The following RRAGA variants were observed in gnomAD, a reference collection of about 807,000 sequenced individuals.
The protein encoded by RRAGA is ras-related GTP-binding protein A.
RRAGA carries 11 observed loss-of-function variants against 20.5 expected under a neutral mutation model. That is an observed-to-expected ratio of 0.54 (90% confidence interval 0.34 to 0.89). The LOEUF is 0.89. Among genes scored for constraint, RRAGA ranks in the 40% least tolerant of loss-of-function variants. The pLI, the probability that RRAGA is intolerant of heterozygous loss-of-function variation, is 0.02. For synonymous variants in RRAGA, 184 were observed against 155.4 expected (o/e 1.18, Z -1.37); for missense variants, 214 against 400.7 (o/e 0.53, Z 3.98).
Position 19,050,837 on chromosome 9 carries a change from A to C in RRAGA, c.*236A>C. ...AGTTGGTATGGTGTAACACTAAAGT[A>C]GGTGGTTCGTGTGTGTTCTCATTAC... On this transcript the variant is annotated 3_prime_UTR_variant, in exon 1 of 1. Transcript: ENST00000380527. 1.9e-6 allele frequency: 1 copy of C among 519,502 alleles called. No homozygotes were observed. Among genetic ancestry groups the C allele is most frequent in the Admixed American group, 3.3e-5 (1 of 30,426 alleles). 32.2% of individuals were successfully genotyped at this position (519,502 alleles called of 1,614,324 possible). A position where few individuals can be genotyped will look rare whatever the true frequency, so the allele number is the denominator to read the frequency against.
rs529377345 is a variant in RRAGA, at chr9:19,049,445, C to G, written c.-215C>G. On this transcript the variant is annotated 5_prime_UTR_variant, in exon 1 of 1. Coordinates refer to ENST00000380527, the MANE Select transcript of RRAGA (RefSeq NM_006570.5). This position sits in a 1 kb window ranked among gnomAD's most constrained non-coding sequence, Gnocchi z 5.4. ...AGCGAGCGTATCTCCCGAGCCGTTG[C>G]CACTGACAGCCGCGGGCGCTCCCAT... The G allele has an allele frequency of 2.8e-4, 126 of 451,388 alleles. No homozygotes were observed. The East Asian group carries it at 4.6e-3, about 17-fold the overall frequency. The allele number at this position is 451,388 out of a possible 1,614,324, so 28.0% of individuals were successfully genotyped here.
Position 19,050,001 on chromosome 9 carries a change from C to G in RRAGA, c.342C>G (p.Leu114=). ...HYYQSCLEAI[L]QNSPDAKIFC... ...ACCAGTCGTGTCTGGAGGCCATCCT[C>G]CAGAACTCTCCTGACGCCAAAATCT... The change falls in exon 1 of 1, where the codon CTC becomes CTG. Residue 114 remains leucine (L), a synonymous_variant. Transcript: ENST00000380527. The G allele has an allele frequency of 2.5e-6, 4 of 1,614,162 alleles. No individual in the cohort carries two copies. Among genetic ancestry groups the G allele is most frequent in the Non-Finnish European group, 3.4e-6 (4 of 1,180,040 alleles).
chr9:19,049,584 G>C lies in RRAGA; in HGVS notation c.-76G>C. 1 of 1,127,106 alleles carries C rather than the reference G, an allele frequency of 8.9e-7. No individual in the cohort carries two copies. Among genetic ancestry groups the C allele is most frequent in the South Asian group, 1.6e-5 (1 of 62,432 alleles). 69.8% of individuals were successfully genotyped at this position (1,127,106 alleles called of 1,614,324 possible). A position where few individuals can be genotyped will look rare whatever the true frequency, so the allele number is the denominator to read the frequency against. On this transcript the variant is annotated 5_prime_UTR_variant, in exon 1 of 1. Transcript: ENST00000380527. This position sits in a 1 kb window ranked among gnomAD's most constrained non-coding sequence, Gnocchi z 5.4. ...AGCGAGGCGCGGCCTGCGAGTCCCC[G>C]GCAGCCCCCGACCCCTCCCTCGGCG...
In RRAGA at chr9:19,049,903, T is replaced by G; in HGVS notation, c.244T>G (p.Phe82Val). 6.2e-7 allele frequency: 1 copy of G among 1,614,112 alleles called. No individual in the cohort carries two copies. Among genetic ancestry groups the G allele is most frequent in the Non-Finnish European group, 8.5e-7 (1 of 1,180,008 alleles). ...NYFTSQRDNI[F>V]RNVEVLIYVF... The stretch of plus-strand genomic sequence containing the variant: ...CTTCACCAGCCAGCGAGACAATATC[T>G]TCCGTAACGTGGAAGTTTTGATTTA... The change falls in exon 1 of 1, where the codon TTC becomes GTC. Residue 82 changes from phenylalanine to valine, a missense_variant. Phe to Val is a conservative substitution (Grantham distance 50, BLOSUM62 -1). This residue lies in a region of RRAGA where 40 missense variants were observed against 130.1 expected (regional missense o/e 0.31). Transcript: ENST00000380527. This position sits in a 1 kb window ranked among gnomAD's most constrained non-coding sequence, Gnocchi z 5.4.
chr9:19,049,611 T>C lies in RRAGA; in HGVS notation c.-49T>C, dbSNP rs997565698. ...CAGCCCCCGACCCCTCCCTCGGCGC[T>C]GCGTGTAGGCCGCGCCCTCAGGCCC... On this transcript the variant is annotated 5_prime_UTR_variant, in exon 1 of 1. Coordinates refer to ENST00000380527, the MANE Select transcript of RRAGA (RefSeq NM_006570.5). This position sits in a 1 kb window ranked among gnomAD's most constrained non-coding sequence, Gnocchi z 5.4. The C allele has an allele frequency of 6.9e-7, 1 of 1,441,332 alleles. No individual in the cohort carries two copies. Among genetic ancestry groups the C allele is most frequent in the Non-Finnish European group, 9.5e-7 (1 of 1,057,310 alleles). 89.3% of individuals were successfully genotyped at this position (1,441,332 alleles called of 1,614,324 possible).
Position 19,050,166 on chromosome 9 carries a change from C to G in RRAGA, c.507C>G (p.Leu169=). The G allele has an allele frequency of 1.2e-6, 2 of 1,614,088 alleles. No individual in the cohort carries two copies. Among genetic ancestry groups the G allele is most frequent in the Non-Finnish European group, 1.7e-6 (2 of 1,180,030 alleles). ...CFRTSIWDET[L]YKAWSSIVYQ... ...GAACGTCCATCTGGGATGAGACGCT[C>G]TACAAAGCCTGGTCCAGCATCGTCT... Residue 169 remains leucine, a synonymous_variant, in exon 1 of 1, where the codon CTC becomes CTG. Coordinates refer to ENST00000380527, the MANE Select transcript of RRAGA (RefSeq NM_006570.5).
rs879121912 is a variant in RRAGA, at chr9:19,050,061, G to C, written c.402G>C (p.Glu134Asp). 1.9e-6 allele frequency: 3 copies of C among 1,614,002 alleles called. No individual in the cohort carries two copies. Among genetic ancestry groups the C allele is most frequent in the Non-Finnish European group, 2.5e-6 (3 of 1,180,028 alleles). Residue 134 changes from glutamate to aspartate, a missense_variant, in exon 1 of 1, where the codon GAG becomes GAC. Coordinates refer to ENST00000380527, the MANE Select transcript of RRAGA (RefSeq NM_006570.5). ...TGCACAAAATGGATCTGGTTCAGGA[G>C]GATCAGCGTGACCTGATTTTTAAAG... ...CLVHKMDLVQEDQRDLIFKER... is the reference protein window; with the variant it reads ...CLVHKMDLVQDDQRDLIFKER...
chr9:19,049,578 G>C lies in RRAGA; in HGVS notation c.-82G>C. 9.5e-7 allele frequency: 1 copy of C among 1,053,172 alleles called. No homozygotes were observed. The highest frequency in any genetic ancestry group is 1.4e-6 in the Non-Finnish European group (1 of 739,506). 65.2% of individuals were successfully genotyped at this position (1,053,172 alleles called of 1,614,324 possible). On this transcript the variant is annotated 5_prime_UTR_variant, in exon 1 of 1. Coordinates refer to ENST00000380527, the MANE Select transcript of RRAGA (RefSeq NM_006570.5). The surrounding 1 kb of genome is among the most constrained non-coding windows in gnomAD (Gnocchi z 5.4). ...GAGCGGAGCGAGGCGCGGCCTGCGA[G>C]TCCCCGGCAGCCCCCGACCCCTCCC... is the stretch of plus-strand genomic sequence containing the variant.
chr9:19,049,608 C>T lies in RRAGA; in HGVS notation c.-52C>T. ...CGGCAGCCCCCGACCCCTCCCTCGG[C>T]GCTGCGTGTAGGCCGCGCCCTCAGG... On this transcript the variant is annotated 5_prime_UTR_variant, in exon 1 of 1. Coordinates refer to ENST00000380527, the MANE Select transcript of RRAGA (RefSeq NM_006570.5). The surrounding 1 kb of genome is among the most constrained non-coding windows in gnomAD (Gnocchi z 5.4). 7.1e-7 allele frequency: 1 copy of T among 1,412,304 alleles called. No individual in the cohort carries two copies. The highest frequency in any genetic ancestry group is 1.4e-5 in the African/African-American group (1 of 70,440). The allele number at this position is 1,412,304 out of a possible 1,614,324, so 87.5% of individuals were successfully genotyped here.
chr9:19,050,331 C>A lies in RRAGA; in HGVS notation c.672C>A (p.Asp224Glu). Residue 224 changes from aspartate (D) to glutamate (E), a missense_variant, in exon 1 of 1, where the codon GAC (aspartate) becomes GAA (glutamate). By Grantham distance (45) the Asp-to-Glu change is conservative. Coordinates refer to ENST00000380527, the MANE Select transcript of RRAGA (RefSeq NM_006570.5). Reference sequence around the variant, plus strand: ...ACTACCAGTGCAAAGAGCAGCGCGACGTCCACCGGTTTGAGAAGATCAGCA... The same window carrying A: ...ACTACCAGTGCAAAGAGCAGCGCGAAGTCCACCGGTTTGAGAAGATCAGCA... ...ISHYQCKEQR[D>E]VHRFEKISNI... 1 of 1,614,170 alleles carries A rather than the reference C, an allele frequency of 6.2e-7. No homozygotes were observed. The highest frequency in any genetic ancestry group is 1.1e-5 in the South Asian group (1 of 91,080).
In RRAGA at chr9:19,050,646, G is replaced by A. The variant is rs1344749749; in HGVS notation, c.*45G>A. 1.3e-6 allele frequency: 2 copies of A among 1,556,908 alleles called. No homozygotes were observed. The highest frequency in any genetic ancestry group is 1.8e-6 in the Non-Finnish European group (2 of 1,133,272). ...CTGAAAATGCTGAATTGCCTTTTTT[G>A]TTTGCATCCTTTATTTTTAATATTC... On this transcript the variant is annotated 3_prime_UTR_variant, in exon 1 of 1. Transcript: ENST00000380527.
Position 19,049,596 on chromosome 9 carries a change from C to T in RRAGA, c.-64C>T. 1 of 1,287,242 alleles carries T rather than the reference C, an allele frequency of 7.8e-7. No individual in the cohort carries two copies. The highest frequency in any genetic ancestry group is 2.4e-5 in the Admixed American group (1 of 41,914). The allele number at this position is 1,287,242 out of a possible 1,614,324, so 79.7% of individuals were successfully genotyped here. A position where few individuals can be genotyped will look rare whatever the true frequency, so the allele number is the denominator to read the frequency against. ...CCTGCGAGTCCCCGGCAGCCCCCGA[C>T]CCCTCCCTCGGCGCTGCGTGTAGGC... On this transcript the variant is annotated 5_prime_UTR_variant, in exon 1 of 1. Coordinates refer to ENST00000380527, the MANE Select transcript of RRAGA (RefSeq NM_006570.5). The surrounding 1 kb of genome is among the most constrained non-coding windows in gnomAD (Gnocchi z 5.4).
chr9:19,049,488 C>T lies in RRAGA; in HGVS notation c.-172C>T, dbSNP rs1457923237. The T allele has an allele frequency of 1.1e-5, 6 of 544,252 alleles. No individual in the cohort carries two copies. Among genetic ancestry groups the T allele is most frequent in the East Asian group, 9.9e-5 (3 of 30,406 alleles). 33.7% of individuals were successfully genotyped at this position (544,252 alleles called of 1,614,324 possible). A position where few individuals can be genotyped will look rare whatever the true frequency, so the allele number is the denominator to read the frequency against. ...GCTCCCATCTGAGTAAGAGCCAGCC[C>T]GTCCGCGGCCTCTCCAGCCCCGGGT... On this transcript the variant is annotated 5_prime_UTR_variant, in exon 1 of 1. Transcript: ENST00000380527. The surrounding 1 kb of genome is among the most constrained non-coding windows in gnomAD (Gnocchi z 5.4).
At position 19,050,011 on chromosome 9, in the gene RRAGA, C is replaced by T. The variant is rs924116761; in HGVS notation, c.352C>T (p.Pro118Ser). The change falls in exon 1 of 1, where the codon CCT (proline) becomes TCT (serine). Residue 118 changes from proline (P) to serine (S), a missense_variant. Coordinates refer to ENST00000380527, the MANE Select transcript of RRAGA (RefSeq NM_006570.5). ...TCTGGAGGCCATCCTCCAGAACTCT[C>T]CTGACGCCAAAATCTTCTGCCTGGT... is the stretch of plus-strand genomic sequence containing the variant. ...SCLEAILQNSPDAKIFCLVHK... is the reference protein window; with the variant it reads ...SCLEAILQNSSDAKIFCLVHK... 1.2e-6 allele frequency: 2 copies of T among 1,614,164 alleles called. No individual in the cohort carries two copies. Among genetic ancestry groups the T allele is most frequent in the Non-Finnish European group, 1.7e-6 (2 of 1,180,038 alleles).
rs1836334295 is a variant in RRAGA at position 19,050,765 on chromosome 9, C to T, written c.*164C>T. 2.9e-6 allele frequency: 2 copies of T among 698,274 alleles called. No homozygotes were observed. The highest frequency in any genetic ancestry group is 4.8e-6 in the Non-Finnish European group (2 of 416,862). The allele number at this position is 698,274 out of a possible 1,614,324, so 43.3% of individuals were successfully genotyped here. Reference sequence around the variant, plus strand: ...TTCCCCAGTCTTTAAACATTGGACGCTATTTACTCAGCTACCCAGTAGAGC... The same window carrying T: ...TTCCCCAGTCTTTAAACATTGGACGTTATTTACTCAGCTACCCAGTAGAGC... On this transcript the variant is annotated 3_prime_UTR_variant, in exon 1 of 1. Coordinates refer to ENST00000380527, the MANE Select transcript of RRAGA (RefSeq NM_006570.5).
In RRAGA at chr9:19,050,289, A is replaced by G. The variant is rs1234998063; in HGVS notation, c.630A>G (p.Thr210=). 5.0e-6 allele frequency: 8 copies of G among 1,614,004 alleles called. No individual in the cohort carries two copies. Among genetic ancestry groups the G allele is most frequent in the Non-Finnish European group, 6.8e-6 (8 of 1,180,036 alleles). Residue 210 remains threonine (T), a synonymous_variant, in exon 1 of 1, where the codon ACA becomes ACG. Transcript: ENST00000380527. The part of the protein sequence containing the change: ...ADEVLLFERA[T]FLVISHYQCK... The stretch of plus-strand genomic sequence containing the variant: ...AAGTTCTGCTGTTCGAAAGAGCTAC[A>G]TTCTTGGTTATTTCCCACTACCAGT...
chr9:19,050,468 C>T lies in RRAGA; in HGVS notation c.809C>T (p.Thr270Met). 1 of 1,614,122 alleles carries T rather than the reference C, an allele frequency of 6.2e-7. No individual in the cohort carries two copies. Among genetic ancestry groups the T allele is most frequent in the Non-Finnish European group, 8.5e-7 (1 of 1,180,024 alleles). The change falls in exon 1 of 1, where the codon ACG becomes ATG. Residue 270 changes from threonine to methionine, a missense_variant. By Grantham distance (81) the Thr-to-Met change is moderately conservative. Transcript: ENST00000380527. ...AAFIDIFTSN[T>M]YVMVVMSDPS... ...TTCATCGACATCTTCACCTCAAATA[C>T]GTACGTGATGGTGGTCATGTCAGAT... is the stretch of plus-strand genomic sequence containing the variant.
In RRAGA at chr9:19,050,834, AG is replaced by A; in HGVS notation, c.*234del. On this transcript the variant is annotated 3_prime_UTR_variant, in exon 1 of 1. Transcript: ENST00000380527. Reference sequence around the variant, plus strand: ...AGAAGTTGGTATGGTGTAACACTAAAGTAGGTGGTTCGTGTGTGTTCTCATT... The same window carrying A: ...AGAAGTTGGTATGGTGTAACACTAAATAGGTGGTTCGTGTGTGTTCTCATT... The A allele has an allele frequency of 1.9e-6, 1 of 526,964 alleles. No homozygotes were observed. Among genetic ancestry groups the A allele is most frequent in the Non-Finnish European group, 3.5e-6 (1 of 284,120 alleles). The allele number at this position is 526,964 out of a possible 1,614,324, so 32.6% of individuals were successfully genotyped here.
Position 19,050,271 on chromosome 9 carries a change from G to C in RRAGA, c.612G>C (p.Leu204=). Residue 204 remains leucine, a synonymous_variant, in exon 1 of 1, where the codon CTG becomes CTC. Coordinates refer to ENST00000380527, the MANE Select transcript of RRAGA (RefSeq NM_006570.5). ...AAATCATTGAGGCCGATGAAGTTCT[G>C]CTGTTCGAAAGAGCTACATTCTTGG... ...FAQIIEADEV[L]LFERATFLVI... 6.2e-7 allele frequency: 1 copy of C among 1,614,130 alleles called. No individual in the cohort carries two copies.
Sources: allele counts gnomAD v4.1 joint callset, GRCh38; gene constraint gnomAD v4.1.1; regional missense constraint gnomAD v4.1.1; non-coding constraint Gnocchi (gnomAD v3.1); transcripts MANE v1.5; gene names NCBI Gene and HGNC (gene_info 2026-07-23, HGNC 2026-07-21).